Variants in DENND1A observed in about 807,000 individuals in gnomAD.
DENND1A encodes the protein DENN domain-containing protein 1A.
In DENND1A, 51 loss-of-function variants were observed where a neutral mutation model predicts 113.7. The observed-to-expected ratio is 0.45, with a 90% CI of 0.36 to 0.57. The LOEUF is 0.57. DENND1A is among the 20% of genes least tolerant of loss of function. The pLI, the probability that DENND1A is intolerant of heterozygous loss-of-function variation, is 0.00. For synonymous variants in DENND1A, 565 were observed against 570.8 expected (o/e 0.99, Z 0.14); for missense variants, 1,258 against 1,395.9 (o/e 0.90, Z 1.57).
intron 5 of DENND1A, among the ~76,000 whole-genome samples, chr9:123,707,231 C>T (rs2140860989): frequency 6.6e-6 from 1 of 152,108 alleles, no homozygotes. Context: ...CTCGTCTCTA[C>T]TAAAAATACA....
intron 21 of DENND1A, chr9:123,400,445 G>A (rs1157254849): frequency 2.0e-5 from 3 of 152,294 alleles, no homozygotes; most frequent in Admixed American, 6.5e-5. Context: ...CAGCTGGGAA[G>A]GAAGAAATGA....
intron 13 of DENND1A, among the ~76,000 whole-genome samples, chr9:123,493,596 A>G (rs2051582406): frequency 6.6e-6 from 1 of 152,166 alleles, no homozygotes; most frequent in Admixed American, 6.5e-5. Context: ...CGTTACAGGG[A>G]GTCCCTGCCC....
chr9:123,834,627 C>T (rs1840777361), intron 2 of DENND1A, among the ~76,000 whole-genome samples: 1 of 152,184 alleles, frequency 6.6e-6, no homozygotes, highest in South Asian at 2.1e-4. Context: ...AAACTACTCA[C>T]ACGTCATAAG....
intron 8 of DENND1A, among the ~76,000 whole-genome samples, chr9:123,665,602 G>A (rs1305062401): frequency 6.6e-6 from 1 of 152,042 alleles, no homozygotes; most frequent in Non-Finnish European, 1.5e-5. Flanking sequence ...TTCTATAGAC[G>A]ACACTTGGAA....
intron 21 of DENND1A, among the ~76,000 whole-genome samples, chr9:123,392,088 C>T (rs754451960): frequency 7.2e-5 from 11 of 152,184 alleles, no homozygotes; most frequent in African/African-American, 1.4e-4. Context: ...TTAGCGCGCG[C>T]GTGTGACAGT....
intron 15 of DENND1A, chr9:123,456,995 A>G: frequency 4.8e-6 from 1 of 207,900 alleles, no homozygotes; most frequent in Non-Finnish European, 9.7e-6. Context: ...ACAGAAGGGG[A>G]AATGACTCAA....
chr9:123,781,135 A>G (rs753246718), intron 3 of DENND1A, among the ~76,000 whole-genome samples: 3 of 152,188 alleles, frequency 2.0e-5, no homozygotes, highest in Non-Finnish European at 2.9e-5. Flanking sequence ...GCCTTTCTCC[A>G]ACCTCACTTC....
At chr9:123,410,135 C>T (rs1043335718) in intron 20 of DENND1A, among the ~76,000 whole-genome samples, 9 of 152,304 alleles carry the variant, frequency 5.9e-5, no homozygotes, top group African/African-American at 2.2e-4. Flanking sequence ...TGTGTGTGTT[C>T]TGCAAATGAC....
intron 5 of DENND1A, among the ~76,000 whole-genome samples, chr9:123,750,541 C>G (rs2069925461): frequency 6.6e-6 from 1 of 152,220 alleles, no homozygotes; most frequent in South Asian, 2.1e-4. Context: ...TTCTGAGACC[C>G]ACAGTCGGTG....
intron 21 of DENND1A, chr9:123,402,039 A>G (rs1489547225): frequency 1.5e-6 from 2 of 1,305,128 alleles, no homozygotes; most frequent in Non-Finnish European, 2.2e-6. Context: ...AATGTGACAA[A>G]TTTCATCCCC....
At chr9:123,751,031 C>T (rs2131303624) in intron 5 of DENND1A, among the ~76,000 whole-genome samples, 1 of 151,928 alleles carries the variant, frequency 6.6e-6, no homozygotes, top group East Asian at 1.9e-4. Flanking sequence ...AAGCAGCTAA[C>T]ACACAACCCA....
chr9:123,846,768 A>G (rs932297378), intron 2 of DENND1A, among the ~76,000 whole-genome samples: 2 of 152,182 alleles, frequency 1.3e-5, no homozygotes, highest in African/African-American at 4.8e-5. Context: ...GATTTTAATA[A>G]CAGATAGTGG....
chr9:123,682,607 G>A (rs555157726), intron 5 of DENND1A, among the ~76,000 whole-genome samples: 1 of 152,262 alleles, frequency 6.6e-6, no homozygotes, highest in African/African-American at 2.4e-5. Context: ...ATGTTAAAAA[G>A]CAGAGCAGCA....
At chr9:123,443,189 T>A (rs747049634) in intron 18 of DENND1A, among the ~76,000 whole-genome samples, 1 of 152,190 alleles carries the variant, frequency 6.6e-6, no homozygotes, top group African/African-American at 2.4e-5. Flanking sequence ...GGTGCTTTTA[T>A]GCCATATCAT....
At chr9:123,811,203 T>C (rs1357722246) in intron 2 of DENND1A, among the ~76,000 whole-genome samples, 3 of 152,192 alleles carry the variant, frequency 2.0e-5, no homozygotes, top group Non-Finnish European at 4.4e-5. Context: ...CTTTACCATC[T>C]TGAAAGATGC....
intron 5 of DENND1A, among the ~76,000 whole-genome samples, chr9:123,710,919 T>G (rs2140932999): frequency 6.6e-6 from 1 of 152,158 alleles, no homozygotes; most frequent in South Asian, 2.1e-4. Flanking sequence ...ATGATCCACC[T>G]GCCTCGGCCT....
At chr9:123,803,078 C>A (rs952037375) in intron 2 of DENND1A, among the ~76,000 whole-genome samples, 1 of 152,216 alleles carries the variant, frequency 6.6e-6, no homozygotes, top group South Asian at 2.1e-4. Context: ...TATAACTGTT[C>A]CTTTATACAC....
At chr9:123,409,510 TC>T in intron 20 of DENND1A, among the ~76,000 whole-genome samples, 1 of 150,784 alleles carries the variant, frequency 6.6e-6, no homozygotes, top group East Asian at 1.9e-4. Flanking sequence ...ACTATTCTGG[TC>T]CCAAGCAGAA....
intron 5 of DENND1A, among the ~76,000 whole-genome samples, chr9:123,753,411 T>G (rs1031800824): frequency 7.2e-5 from 11 of 152,244 alleles, no homozygotes; most frequent in African/African-American, 2.7e-4. Flanking sequence ...GTTTAAATTT[T>G]AAAATACAGA....
Sources: gnomAD v4.1 joint callset for allele counts (sites outside exome capture counted in the v4.1 genomes callset) on GRCh38, gnomAD v4.1.1 for gene constraint, MANE v1.5 for transcripts, NCBI Gene and HGNC (gene_info 2026-07-23, HGNC 2026-07-21) for gene names.